Variants in MYO1D observed in about 807,000 individuals in gnomAD.
MYO1D encodes the protein myosin ID, also known as unconventional myosin-Id.
In MYO1D, 83 loss-of-function variants were observed where a neutral mutation model predicts 122.0. The ratio of observed to expected loss-of-function variants is 0.68; its 90% CI spans 0.57 to 0.82. MYO1D has a LOEUF of 0.82. Ranked by LOEUF, MYO1D falls within the 40% of genes least tolerant of loss-of-function variation. The probability of loss-of-function intolerance (pLI) is 0.00; values close to 1 mark genes in which losing one functional copy is unlikely to be tolerated. For synonymous variants in MYO1D, 464 were observed against 446.9 expected, an observed-to-expected ratio of 1.04 and a Z score of -0.48; for missense variants, 1,157 against 1,269.5, an observed-to-expected ratio of 0.91 and a Z score of 1.35.
intron 14 of MYO1D, chr17:32,734,823 G>A (rs976186913): frequency 2.0e-5 from 3 of 151,774 alleles, no homozygotes; most frequent in East Asian, 1.9e-4. Flanking sequence ...CAATGCCAGC[G>A]CTTTAGGAGG....
chr17:32,845,999 G>A (rs1490027455), intron 1 of MYO1D, among the ~76,000 whole-genome samples: 1 of 152,148 alleles, frequency 6.6e-6, no homozygotes, highest in Admixed American at 6.5e-5. Context: ...AGAGAGTGGT[G>A]AGTAGTGGGA....
chr17:32,662,588 G>T (rs372410921), intron 16 of MYO1D, among the ~76,000 whole-genome samples: 2 of 152,030 alleles, frequency 1.3e-5, no homozygotes, highest in Non-Finnish European at 2.9e-5. Flanking sequence ...CAGGAGAATC[G>T]CCTGAACCTG....
intron 16 of MYO1D, among the ~76,000 whole-genome samples, chr17:32,709,569 C>T (rs2089350126): frequency 6.6e-6 from 1 of 151,606 alleles, no homozygotes; most frequent in African/African-American, 2.4e-5. Flanking sequence ...ATGAAAGCAA[C>T]ATTAAAAAAA....
chr17:32,571,980 A>G lies in MYO1D; in HGVS notation c.2864+33107T>C, dbSNP rs147031497. 3.8e-3 allele frequency among the ~76,000 whole-genome samples: 586 copies of G among 152,254 alleles called. 4 individuals carry two copies. Among genetic ancestry groups the G allele is most frequent in the Admixed American group, 8.5e-3 (130 of 15,298 alleles). On this transcript the variant is annotated intron_variant, in intron 21 of 21. Coordinates refer to ENST00000318217, the MANE Select transcript of MYO1D (RefSeq NM_015194.3). ...TACCTTTCTGAATTTATCAACTTCA[A>G]TTTATCTGAAATTATCAACTTGATA...
At chr17:32,872,687 T>G (rs1315344200) in intron 1 of MYO1D, among the ~76,000 whole-genome samples, 1 of 150,130 alleles carries the variant, frequency 6.7e-6, no homozygotes, top group Non-Finnish European at 1.5e-5. Context: ...CACATCTAGG[T>G]CAATTTTTTT....
At chr17:32,571,363 C>A (rs2087226048) in intron 21 of MYO1D, among the ~76,000 whole-genome samples, 1 of 152,180 alleles carries the variant, frequency 6.6e-6, no homozygotes, top group Non-Finnish European at 1.5e-5. Context: ...CTGGAAGTTT[C>A]CAAGCATCTG....
At chr17:32,765,511 G>A (rs148041904) in intron 7 of MYO1D, among the ~76,000 whole-genome samples, 2 of 152,092 alleles carry the variant, frequency 1.3e-5, no homozygotes, top group Non-Finnish European at 2.9e-5. Flanking sequence ...AGGCTGGAGT[G>A]CAAGTGGTGC....
At chr17:32,523,091 A>C (rs1435503220) in intron 21 of MYO1D, among the ~76,000 whole-genome samples, 1 of 152,230 alleles carries the variant, frequency 6.6e-6, no homozygotes, top group African/African-American at 2.4e-5. Context: ...CTGGGATTAC[A>C]GGCGTGAGCA....
chr17:32,732,730 G>A (rs1305376101), intron 14 of MYO1D, among the ~76,000 whole-genome samples: 3 of 152,184 alleles, frequency 2.0e-5, no homozygotes, highest in Non-Finnish European at 4.4e-5. Flanking sequence ...CTGAATGGCA[G>A]GGCTAAAAGA....
In MYO1D at chr17:32,588,839, A is replaced by G. The variant is rs558093939; in HGVS notation, c.2864+16248T>C. ...ACACCTGCAGTCCCAGCTACTTGGG[A>G]GGCTGAGGCAGGAGAATCACTTGAA... is the stretch of plus-strand genomic sequence containing the variant. On this transcript the variant is annotated intron_variant, in intron 21 of 21. Coordinates refer to ENST00000318217, the MANE Select transcript of MYO1D (RefSeq NM_015194.3). Among the ~76,000 whole-genome samples, 336 of 152,204 alleles carry G rather than the reference A, an allele frequency of 2.2e-3. 1 individual carries two copies. The highest frequency in any genetic ancestry group is 7.8e-3 in the African/African-American group (322 of 41,522).
chr17:32,519,582 A>C (rs1423967165), intron 21 of MYO1D, among the ~76,000 whole-genome samples: 1 of 151,816 alleles, frequency 6.6e-6, no homozygotes, highest in Non-Finnish European at 1.5e-5. Context: ...CCCGAGCGCC[A>C]GCGCACACGC....
At chr17:32,760,264 G>T in intron 10 of MYO1D, 26 bp downstream of exon 10, 1 of 1,523,138 alleles carries the variant, frequency 6.6e-7, no homozygotes, top group African/African-American at 1.4e-5. Flanking sequence ...AACACATGAA[G>T]GCATTTTCCA....
rs768102189 is a variant in MYO1D at position 32,498,161 on chromosome 17, C to A, written c.2865-3246G>T. 3.3e-5 allele frequency: 5 copies of A among 152,334 alleles called. No individual in the cohort carries two copies. The East Asian group carries it at 5.8e-4, about 18-fold the overall frequency. The allele number at this position is 152,334 out of a possible 1,614,324, so 9.4% of individuals were successfully genotyped here. On this transcript the variant is annotated intron_variant, in intron 21 of 21. Coordinates refer to ENST00000318217, the MANE Select transcript of MYO1D (RefSeq NM_015194.3). ...GCCTGTCTCTGTCCCCTCTCGGGGA[C>A]CTGTCCCTCTCCTGGACCACGGATA...
chr17:32,594,317 G>T, intron 21 of MYO1D: 1 of 377,460 alleles, frequency 2.6e-6, no homozygotes, highest in Non-Finnish European at 4.7e-6. Context: ...AGTAAATTCT[G>T]CACACTGAGA....
rs1292597627 is a variant in MYO1D, at chr17:32,591,880, GA to G, written c.2864+13206del. Reference sequence around the variant, plus strand: ...GGATGGGCCCGGGGAGCTGCCTTTTGAAAAAACACCTTCAGGTTATTCTAAT... The same window carrying G: ...GGATGGGCCCGGGGAGCTGCCTTTTGAAAAACACCTTCAGGTTATTCTAAT... On this transcript the variant is annotated intron_variant, in intron 21 of 21. Transcript: ENST00000318217. Among the ~76,000 whole-genome samples the G allele has an allele frequency of 6.6e-5, 10 of 151,950 alleles. No homozygotes were observed. The South Asian group carries it at 1.2e-3, about 19-fold the overall frequency.
chr17:32,859,157 G>A (rs1442104410), intron 1 of MYO1D, among the ~76,000 whole-genome samples: 4 of 152,144 alleles, frequency 2.6e-5, no homozygotes, highest in South Asian at 2.1e-4. Flanking sequence ...AGGTGCATAC[G>A]CATTCACATC....
At chr17:32,511,959 T>G (rs1909709904) in intron 21 of MYO1D, among the ~76,000 whole-genome samples, 1 of 152,102 alleles carries the variant, frequency 6.6e-6, no homozygotes, top group Non-Finnish European at 1.5e-5. Flanking sequence ...AATCGAACAT[T>G]GAAAGCACTT....
chr17:32,853,108 T>C (rs2151082830), intron 1 of MYO1D, among the ~76,000 whole-genome samples: 1 of 152,322 alleles, frequency 6.6e-6, no homozygotes, highest in East Asian at 1.9e-4. Context: ...GCATCTCTAC[T>C]CTTTGTAAAC....
chr17:32,814,356 CA>C (rs1167573529), intron 1 of MYO1D, among the ~76,000 whole-genome samples: 1 of 152,056 alleles, frequency 6.6e-6, no homozygotes, highest in African/African-American at 2.4e-5. Context: ...AAAACAAAAA[CA>C]AAAACAAAAA....
Sources: allele counts gnomAD v4.1 joint callset (sites outside exome capture counted in the v4.1 genomes callset), GRCh38; gene constraint gnomAD v4.1.1; transcripts MANE v1.5; gene names NCBI Gene and HGNC (gene_info 2026-07-23, HGNC 2026-07-21).